MYBL2: variants seen among roughly 807,000 people sequenced by gnomAD.
The protein encoded by MYBL2 is myb-related protein B.
In MYBL2, 28 loss-of-function variants were observed where a neutral mutation model predicts 79.9. The observed-to-expected ratio is 0.35, with a 90% CI of 0.26 to 0.48. The LOEUF (loss-of-function observed/expected upper bound fraction) is 0.48. Among genes scored for constraint, MYBL2 ranks in the 20% least tolerant of loss-of-function variants. MYBL2 has a pLI of 0.99. For synonymous variants in MYBL2, 378 were observed against 361.2 expected (o/e 1.05, Z -0.53); for missense variants, 735 against 893.9 (o/e 0.82, Z 2.27).
chr20:43,713,607 G>A (rs6017152), intron 12 of MYBL2, among the ~76,000 whole-genome samples: 2,174 of 152,144 alleles, frequency 0.014, 63 homozygotes, highest in African/African-American at 0.05. Context: ...GGCTGGTCTC[G>A]AACTCCCCAC....
chr20:43,712,515 C>T (rs906156269), intron 11 of MYBL2, among the ~76,000 whole-genome samples: 3 of 152,076 alleles, frequency 2.0e-5, no homozygotes, highest in Non-Finnish European at 2.9e-5. Flanking sequence ...TCCCTGGTAT[C>T]GGAGCAGGCC....
intron 2 of MYBL2, among the ~76,000 whole-genome samples, chr20:43,678,331 GAAAA>G (rs11470203): frequency 4.9e-4 from 70 of 142,968 alleles, no homozygotes; most frequent in African/African-American, 1.7e-3. Flanking sequence ...AAGAAAGAAA[GAAAA>G]AAAAAAAAAA....
chr20:43,713,114 T>G lies in MYBL2; in HGVS notation c.1824+8T>G. ...CCCAAGTCTCTATCCTTGGTAAGGC[T>G]TCTGCTCCTTGGAACTGTTGAGTTT... On this transcript the variant is annotated splice_region_variant and intron_variant, in intron 12 of 13. Transcript: ENST00000217026. 6.2e-7 allele frequency: 1 copy of G among 1,607,012 alleles called. No individual in the cohort carries two copies. Among genetic ancestry groups the G allele is most frequent in the Middle Eastern group, 1.7e-4 (1 of 6,052 alleles).
intron 9 of MYBL2, among the ~76,000 whole-genome samples, chr20:43,706,867 C>T: frequency 6.6e-6 from 1 of 151,106 alleles, no homozygotes; most frequent in South Asian, 2.1e-4. Flanking sequence ...AGGCACGCGC[C>T]ACCACACCCA....
intron 4 of MYBL2, among the ~76,000 whole-genome samples, chr20:43,685,732 G>A (rs1011107563): frequency 4.6e-5 from 7 of 152,018 alleles, no homozygotes; most frequent in Non-Finnish European, 1.0e-4. Flanking sequence ...CCCAGCCTGG[G>A]CGACAGAGTG....
intron 11 of MYBL2, among the ~76,000 whole-genome samples, chr20:43,711,979 G>A (rs1361659615): frequency 6.6e-6 from 1 of 152,140 alleles, no homozygotes. Flanking sequence ...AGGGTACCAA[G>A]GGCCGCAGAA....
At position 43,692,150 on chromosome 20, in the gene MYBL2, C is replaced by A; in HGVS notation, c.501-7C>A. Reference sequence around the variant, plus strand: ...GGGGTTCAAAGGCCCCCTGCTGCCCCCTGCAGGACAGACAATGCTGTGAAG... The same window carrying A: ...GGGGTTCAAAGGCCCCCTGCTGCCCACTGCAGGACAGACAATGCTGTGAAG... On this transcript the variant is annotated splice_region_variant and splice_polypyrimidine_tract_variant and intron_variant, in intron 5 of 13. Transcript: ENST00000217026. 1 of 1,613,084 alleles carries A rather than the reference C, an allele frequency of 6.2e-7. No individual in the cohort carries two copies. The highest frequency in any genetic ancestry group is 8.5e-7 in the Non-Finnish European group (1 of 1,179,452).
In MYBL2 at chr20:43,716,067, C is replaced by G. The variant is rs1195606879; in HGVS notation, c.2083C>G (p.Arg695Gly). 3 of 1,608,886 alleles carry G rather than the reference C, an allele frequency of 1.9e-6. No homozygotes were observed. The highest frequency in any genetic ancestry group is 1.1e-5 in the South Asian group (1 of 90,986). Residue 695 changes from arginine (R) to glycine (G), a missense_variant, in exon 14 of 14, where the codon CGG becomes GGG. Transcript: ENST00000217026. ...CCGCCTGAAGCCCAGCCACACATCT[C>G]GGACCCTCATCTTGTCCTGAGGTGT... ...LGRLKPSHTSRTLILS is the reference protein window; with the variant it reads ...LGRLKPSHTSGTLILS
intron 2 of MYBL2, among the ~76,000 whole-genome samples, chr20:43,676,314 T>C (rs1175002397): frequency 2.0e-5 from 3 of 147,042 alleles, no homozygotes; most frequent in East Asian, 2.2e-4. Flanking sequence ...TGTTCCCTTC[T>C]TCGTGTCCAT....
intron 6 of MYBL2, among the ~76,000 whole-genome samples, chr20:43,695,191 G>A (rs73276055): frequency 0.031 from 4,729 of 152,020 alleles, 253 homozygotes; most frequent in African/African-American, 0.099. Context: ...ATAGGCATTC[G>A]CCACCATCCT....
chr20:43,701,724 A>G (rs1987678059), intron 7 of MYBL2, among the ~76,000 whole-genome samples: 1 of 152,212 alleles, frequency 6.6e-6, no homozygotes, highest in African/African-American at 2.4e-5. Flanking sequence ...ATTTCGTTCT[A>G]TAAAAATATC....
At position 43,667,174 on chromosome 20, in the gene MYBL2, C is replaced by T. The variant is rs1986732370; in HGVS notation, c.-110C>T. 4.4e-6 allele frequency: 3 copies of T among 685,470 alleles called. No homozygotes were observed. The African/African-American group carries it at 5.7e-5, about 13-fold the overall frequency. 42.5% of individuals were successfully genotyped at this position (685,470 alleles called of 1,614,324 possible). On this transcript the variant is annotated 5_prime_UTR_variant, in exon 1 of 14. Coordinates refer to ENST00000217026, the MANE Select transcript of MYBL2 (RefSeq NM_002466.4). ...GCTGACACGCTGACGCCTTCGAGCGCGGCCCGGGGCCCGGAGCGGCCGGAG... is the reference window on the plus strand; with the variant it reads ...GCTGACACGCTGACGCCTTCGAGCGTGGCCCGGGGCCCGGAGCGGCCGGAG...
At chr20:43,713,937 C>T (rs1438892484) in intron 12 of MYBL2, among the ~76,000 whole-genome samples, 1 of 152,144 alleles carries the variant, frequency 6.6e-6, no homozygotes, top group African/African-American at 2.4e-5. Flanking sequence ...GGCATGGCGG[C>T]GTCATGAACA....
At chr20:43,669,481 C>T (rs762448858) in intron 1 of MYBL2, among the ~76,000 whole-genome samples, 1 of 152,232 alleles carries the variant, frequency 6.6e-6, no homozygotes, top group African/African-American at 2.4e-5. Flanking sequence ...CTCCTCTGCC[C>T]TAGTGCCCCA....
chr20:43,700,511 G>T (rs1460743222), intron 7 of MYBL2, among the ~76,000 whole-genome samples: 1 of 152,166 alleles, frequency 6.6e-6, no homozygotes, highest in Non-Finnish European at 1.5e-5. Flanking sequence ...CCGTGTTGTG[G>T]TTACTGTGTT....
At chr20:43,706,719 G>GGTTTTTTTTTTTTT (rs1987791071) in intron 9 of MYBL2, among the ~76,000 whole-genome samples, 1 of 70,780 alleles carries the variant, frequency 1.4e-5, no homozygotes, top group African/African-American at 6.0e-5. Flanking sequence ...AAAAAAAAAA[G>GGTTTTTTTTTTTTT]TTTTTTTTTT....
At chr20:43,686,332 G>C (rs1987273093) in intron 4 of MYBL2, among the ~76,000 whole-genome samples, 1 of 152,122 alleles carries the variant, frequency 6.6e-6, no homozygotes, top group East Asian at 1.9e-4. Context: ...GGGGACTCAG[G>C]TCTGGCTAGG....
intron 6 of MYBL2, among the ~76,000 whole-genome samples, chr20:43,699,228 T>C (rs1987627564): frequency 6.6e-6 from 1 of 152,046 alleles, no homozygotes; most frequent in African/African-American, 2.4e-5. Flanking sequence ...TTGTTTTTAG[T>C]AGAGACAGGG....
intron 6 of MYBL2, among the ~76,000 whole-genome samples, chr20:43,696,967 T>C (rs1055523244): frequency 8.5e-5 from 13 of 152,422 alleles, no homozygotes; most frequent in African/African-American, 3.1e-4. Flanking sequence ...CCTCGTGATC[T>C]CCCCGCCTCA....
Sources: allele counts gnomAD v4.1 joint callset (sites outside exome capture counted in the v4.1 genomes callset), GRCh38; gene constraint gnomAD v4.1.1; transcripts MANE v1.5; gene names NCBI Gene and HGNC (gene_info 2026-07-23, HGNC 2026-07-21).